TJP1: variants seen among roughly 807,000 people sequenced by gnomAD.
The protein encoded by TJP1 is tight junction protein 1.
In TJP1, 43 loss-of-function variants were observed where a neutral mutation model predicts 194.2. That is an observed-to-expected ratio of 0.22 (90% CI 0.17 to 0.29). The LOEUF (loss-of-function observed/expected upper bound fraction) is 0.29. TJP1 is among the 10% of genes least tolerant of loss of function. TJP1 has a pLI of 1.00. For missense variants in TJP1, 1,971 were observed against 2,185.7 expected, an observed-to-expected ratio of 0.90 and a Z score of 1.96; for synonymous variants, 801 against 779.0, an observed-to-expected ratio of 1.03 and a Z score of -0.47.
chr15:29,753,679 A>G (rs1273548931), intron 8 of TJP1, among the ~76,000 whole-genome samples: 1 of 152,048 alleles, frequency 6.6e-6, no homozygotes, highest in Non-Finnish European at 1.5e-5. Context: ...ACTCAGAACT[A>G]TGCACATTGG....
chr15:29,831,852 G>T (rs2050846809), intron 2 of TJP1, among the ~76,000 whole-genome samples: 1 of 152,152 alleles, frequency 6.6e-6, no homozygotes, highest in Admixed American at 6.6e-5. Flanking sequence ...AAAAATAGAG[G>T]CAGCAAATGC....
At chr15:29,748,705 C>T (rs2044998043) in intron 8 of TJP1, among the ~76,000 whole-genome samples, 1 of 151,104 alleles carries the variant, frequency 6.6e-6, no homozygotes, top group South Asian at 2.1e-4. Flanking sequence ...GCAAGAGTAG[C>T]TGGACTACAG....
chr15:29,968,824 CCTCCAGGCGCCG>C (rs2056422118), exon 1 of TJP1: 1 of 1,056,184 alleles, frequency 9.5e-7, no homozygotes, highest in Non-Finnish European at 1.2e-6. Context: ...AGACACAGCC[CCTCCAGGCGCCG>C]CATAGATCAG....
chr15:29,965,826 T>G (rs2056313833), intron 1 of TJP1, among the ~76,000 whole-genome samples: 2 of 152,356 alleles, frequency 1.3e-5, no homozygotes, highest in African/African-American at 4.8e-5. Flanking sequence ...AGAGTCTTCA[T>G]AGAGCATACC....
chr15:29,732,593 T>C (rs1466772225), intron 14 of TJP1, 38 bp downstream of exon 14: 8 of 1,612,982 alleles, frequency 5.0e-6, no homozygotes, highest in Non-Finnish European at 5.1e-6. Flanking sequence ...CATATTGACG[T>C]TAAAGGGTAT....
chr15:29,718,857 A>G lies in TJP1; in HGVS notation c.3285T>C (p.Asp1095=). ...PMYEEQWSYY[D]DKQPYPSRPP... The stretch of plus-strand genomic sequence containing the variant: ...GCCGAGATGGGTAGGGCTGTTTGTC[A>G]TCATAATATGACCACTGTTCTTCAT... The change falls in exon 21 of 28, where the codon GAT becomes GAC. Residue 1095 remains aspartate, a synonymous_variant. Coordinates refer to ENST00000614355, the MANE Select transcript of TJP1 (RefSeq NM_001330239.4). 1 of 1,614,178 alleles carries G rather than the reference A, an allele frequency of 6.2e-7. No individual in the cohort carries two copies. The highest frequency in any genetic ancestry group is 8.5e-7 in the Non-Finnish European group (1 of 1,180,034).
At chr15:29,847,307 G>A (rs1203030418) in intron 2 of TJP1, among the ~76,000 whole-genome samples, 1 of 151,908 alleles carries the variant, frequency 6.6e-6, no homozygotes, top group Non-Finnish European at 1.5e-5. Flanking sequence ...TTTGCATGAT[G>A]CCCAGCCAAG....
chr15:29,756,251 G>A (rs1010864542), intron 8 of TJP1, among the ~76,000 whole-genome samples: 7 of 152,082 alleles, frequency 4.6e-5, no homozygotes, highest in Non-Finnish European at 8.8e-5. Context: ...ACTGGGCTCT[G>A]CAACAATACT....
At chr15:29,949,521 C>CCGT (rs759379670) in intron 2 of TJP1, among the ~76,000 whole-genome samples, 1 of 94,006 alleles carries the variant, frequency 1.1e-5, no homozygotes, top group African/African-American at 5.1e-5. Flanking sequence ...TCCACCTCCA[C>CCGT]CACCACCACC....
At chr15:29,804,839 C>T (rs1464736603) in intron 1 of TJP1, among the ~76,000 whole-genome samples, 2 of 152,124 alleles carry the variant, frequency 1.3e-5, no homozygotes, top group Non-Finnish European at 2.9e-5. Context: ...ATGATTCTAG[C>T]ACTACCATTC....
chr15:29,789,066 A>G (rs918757876), intron 2 of TJP1, among the ~76,000 whole-genome samples: 5 of 152,226 alleles, frequency 3.3e-5, no homozygotes, highest in African/African-American at 1.2e-4. Flanking sequence ...ATGTTGAAAT[A>G]TATTTTGTGC....
At position 29,747,786 on chromosome 15, in the gene TJP1, T is replaced by C. The variant is rs529954228; in HGVS notation, c.1011-5005A>G. ...CTCAATGATAAACGATAGGTCGTCA[T>C]TGGCTATACATGTAGGGCTCTTGCT... On this transcript the variant is annotated intron_variant, in intron 8 of 27. Transcript: ENST00000614355. 2.0e-5 allele frequency among the ~76,000 whole-genome samples: 3 copies of C among 152,364 alleles called. No homozygotes were observed. In the East Asian group the frequency reaches 5.8e-4, roughly 29 times the overall value.
At position 29,821,790 on chromosome 15, in the gene TJP1, GGCCGCCCCCAGTGCGGCCCGC is replaced by G. The variant is rs1427175769; in HGVS notation, c.27+191_27+211del. On this transcript the variant is annotated intron_variant, in intron 1 of 27. Transcript: ENST00000614355. Reference sequence around the variant, plus strand: ...GCCGGGCGCCCGCAGCCCCCTCCCCGGCCGCCCCCAGTGCGGCCCGCGCCGCCCCCGCCCGAGGGGCTCCCC... The same window carrying G: ...GCCGGGCGCCCGCAGCCCCCTCCCCGGCCGCCCCCGCCCGAGGGGCTCCCC... Among the ~76,000 whole-genome samples, 3 of 148,468 alleles carry G rather than the reference GGCCGCCCCCAGTGCGGCCCGC, an allele frequency of 2.0e-5. No individual in the cohort carries two copies. In the East Asian group the frequency reaches 5.9e-4, roughly 29 times the overall value.
At chr15:29,753,045 C>T (rs1332525047) in intron 8 of TJP1, among the ~76,000 whole-genome samples, 1 of 152,160 alleles carries the variant, frequency 6.6e-6, no homozygotes, top group Non-Finnish European at 1.5e-5. Context: ...AATATTGTCC[C>T]CTCCTGCTTC....
upstream of TJP1, among the ~76,000 whole-genome samples, chr15:29,825,633 G>A (rs1452469102): frequency 2.6e-5 from 4 of 152,116 alleles, no homozygotes; most frequent in Middle Eastern, 3.2e-3. Flanking sequence ...AGATCCTTAG[G>A]AAAGCATATT....
intron 2 of TJP1, among the ~76,000 whole-genome samples, chr15:29,916,304 T>C (rs1056918735): frequency 2.0e-5 from 3 of 151,604 alleles, no homozygotes; most frequent in African/African-American, 4.8e-5. Flanking sequence ...AATATATTAG[T>C]ATATAATATA....
intron 23 of TJP1, among the ~76,000 whole-genome samples, chr15:29,714,269 G>C (rs933994219): frequency 1.3e-5 from 2 of 151,050 alleles, no homozygotes; most frequent in South Asian, 2.1e-4. Flanking sequence ...AGATGAGTCT[G>C]GCTCTGTCGC....
intron 2 of TJP1, among the ~76,000 whole-genome samples, chr15:29,955,747 G>C (rs995232368): frequency 2.6e-5 from 2 of 76,638 alleles, no homozygotes; most frequent in African/African-American, 9.8e-5. Context: ...GGAGACCCTG[G>C]CTCTTTAAAA....
chr15:29,797,973 C>T (rs982977978), intron 2 of TJP1, among the ~76,000 whole-genome samples: 5 of 152,070 alleles, frequency 3.3e-5, no homozygotes, highest in African/African-American at 1.2e-4. Flanking sequence ...CGTGTGATAC[C>T]GCTAGATACC....
Sources: gnomAD v4.1 joint callset for allele counts (sites outside exome capture counted in the v4.1 genomes callset) on GRCh38, gnomAD v4.1.1 for gene constraint, MANE v1.5 for transcripts, NCBI Gene and HGNC (gene_info 2026-07-23, HGNC 2026-07-21) for gene names.